FGF14: variants seen among roughly 807,000 people sequenced by gnomAD.
FGF14 encodes the protein fibroblast growth factor homologous factor 4.
In FGF14, 5 loss-of-function variants were observed where a neutral mutation model predicts 25.5. The observed-to-expected ratio is 0.20, with a 90% confidence interval of 0.10 to 0.41. The LOEUF is 0.41. FGF14 is among the 10% of genes least tolerant of loss of function. FGF14 has a pLI of 1.00. For missense variants in FGF14, 222 were observed against 320.1 expected (o/e 0.69, Z 2.34); for synonymous variants, 138 against 118.3 (o/e 1.17, Z -1.08).
intron 3 of FGF14, among the ~76,000 whole-genome samples, chr13:101,819,301 T>C (rs1462465558): frequency 2.6e-5 from 4 of 152,214 alleles, no homozygotes; most frequent in African/African-American, 9.6e-5. Flanking sequence ...GATTATTTTC[T>C]TCATAAGACA....
chr13:101,984,610 T>G (rs981764639), intron 1 of FGF14, among the ~76,000 whole-genome samples: 1 of 152,276 alleles, frequency 6.6e-6, no homozygotes, highest in Middle Eastern at 3.4e-3. Context: ...TTAACCATTT[T>G]TAACCAGCAT....
intron 1 of FGF14, among the ~76,000 whole-genome samples, chr13:102,271,274 G>C (rs909828381): frequency 6.6e-6 from 1 of 151,980 alleles, no homozygotes; most frequent in African/African-American, 2.4e-5. Flanking sequence ...ATATTGGTTT[G>C]CCAGTTCCCC....
At chr13:102,239,671 TC>T (rs1412882936) in intron 1 of FGF14, among the ~76,000 whole-genome samples, 2 of 152,156 alleles carry the variant, frequency 1.3e-5, no homozygotes. Context: ...TTTCTGGAGC[TC>T]TGCAAATGAA....
chr13:101,895,580 C>T (rs536210681), intron 1 of FGF14, among the ~76,000 whole-genome samples: 7 of 152,266 alleles, frequency 4.6e-5, no homozygotes, highest in African/African-American at 1.7e-4. Flanking sequence ...AAGATGATTA[C>T]TCTCATCAGA....
At chr13:102,028,708 T>G (rs549754702) in intron 1 of FGF14, among the ~76,000 whole-genome samples, 5 of 151,804 alleles carry the variant, frequency 3.3e-5, no homozygotes, top group South Asian at 4.2e-4. Flanking sequence ...GAATATGGGG[T>G]TTTTTTTGTT....
chr13:101,860,264 C>T (rs1039483932), intron 3 of FGF14, among the ~76,000 whole-genome samples: 3 of 152,014 alleles, frequency 2.0e-5, no homozygotes, highest in South Asian at 4.1e-4. Flanking sequence ...TCTTGGTGCT[C>T]GAGGAGACAT....
chr13:101,715,553 T>C lies in FGF14; in HGVS notation c.*7278A>G, dbSNP rs199792076. The C allele has an allele frequency of 2.7e-4, 424 of 1,594,524 alleles. No individual in the cohort carries two copies. Among genetic ancestry groups the C allele is most frequent in the Non-Finnish European group, 3.5e-4 (408 of 1,162,390 alleles). ...TCATAATCATGATACCTATATGTAT[T>C]TTATTGCAGGGAATGGAATATGTAG... On this transcript the variant is annotated 3_prime_UTR_variant, in exon 5 of 5. Transcript: ENST00000376143.
At chr13:102,193,102 T>C (rs1201945560) in intron 1 of FGF14, among the ~76,000 whole-genome samples, 2 of 152,160 alleles carry the variant, frequency 1.3e-5, no homozygotes, top group Non-Finnish European at 2.9e-5. Flanking sequence ...TGAGTCTTCT[T>C]GGGCTTCCAT....
At chr13:101,906,012 T>G (rs1275023886) in intron 1 of FGF14, among the ~76,000 whole-genome samples, 1 of 150,866 alleles carries the variant, frequency 6.6e-6, no homozygotes, top group Non-Finnish European at 1.5e-5. Flanking sequence ...TCTGAGCAGA[T>G]GCAGTGAAGA....
intron 1 of FGF14, among the ~76,000 whole-genome samples, chr13:102,194,502 G>A (rs117836304): frequency 0.046 from 7,013 of 152,094 alleles, 216 homozygotes; most frequent in Non-Finnish European, 0.068. Context: ...ATTTTACTTG[G>A]CAGAATAAAT....
chr13:102,251,326 A>G (rs1394815099), intron 1 of FGF14, among the ~76,000 whole-genome samples: 1 of 152,110 alleles, frequency 6.6e-6, no homozygotes, highest in Non-Finnish European at 1.5e-5. Flanking sequence ...CTGCTGCTGC[A>G]CCCAGTCAGA....
chr13:101,895,939 A>G (rs1241110370), intron 1 of FGF14, among the ~76,000 whole-genome samples: 1 of 152,162 alleles, frequency 6.6e-6, no homozygotes, highest in Non-Finnish European at 1.5e-5. Flanking sequence ...TTTCTTTGGA[A>G]TCTTGTATTC....
At chr13:102,116,527 G>A (rs2045479705) in intron 1 of FGF14, among the ~76,000 whole-genome samples, 1 of 152,086 alleles carries the variant, frequency 6.6e-6, no homozygotes, top group Admixed American at 6.6e-5. Context: ...CAACATAGAT[G>A]GGTCTTGAAA....
intron 1 of FGF14, among the ~76,000 whole-genome samples, chr13:101,931,118 T>A (rs2034722607): frequency 1.3e-5 from 2 of 152,202 alleles, no homozygotes; most frequent in African/African-American, 4.8e-5. Flanking sequence ...TGACAAAACC[T>A]ACCCTATTTA....
chr13:102,330,718 C>A lies in FGF14; in HGVS notation c.208+70753G>T, dbSNP rs2056608353. ...TTCCTGACCACCCTACTCAAAACTG[C>A]AAGCTCCACACCCCTGATCATCACT... On this transcript the variant is annotated intron_variant, in intron 1 of 4. Transcript: ENST00000376131. Among the ~76,000 whole-genome samples the A allele has an allele frequency of 2.6e-5, 4 of 152,110 alleles. No homozygotes were observed. In the South Asian group the frequency reaches 8.3e-4, roughly 31 times the overall value.
chr13:102,188,326 G>C (rs2048954929), intron 1 of FGF14, among the ~76,000 whole-genome samples: 1 of 152,100 alleles, frequency 6.6e-6, no homozygotes. Context: ...AGACAACAAA[G>C]ACAAGTAAGG....
chr13:102,116,559 G>A (rs113249207), intron 1 of FGF14, among the ~76,000 whole-genome samples: 8,666 of 152,066 alleles, frequency 0.057, 289 homozygotes, highest in Middle Eastern at 0.16. Flanking sequence ...AGTAAAATAA[G>A]CCAGGCAAGA....
At chr13:102,254,505 T>C (rs2052347811) in intron 1 of FGF14, among the ~76,000 whole-genome samples, 1 of 152,116 alleles carries the variant, frequency 6.6e-6, no homozygotes, top group African/African-American at 2.4e-5. Context: ...ATTTTATACT[T>C]TATTAAGATT....
At chr13:102,227,360 G>C (rs1203275400) in intron 1 of FGF14, among the ~76,000 whole-genome samples, 1 of 151,926 alleles carries the variant, frequency 6.6e-6, no homozygotes, top group Admixed American at 6.6e-5. Flanking sequence ...TCTTTCCTAA[G>C]CCTCTCTTCC....
Sources: gnomAD v4.1 joint callset for allele counts (sites outside exome capture counted in the v4.1 genomes callset) on GRCh38, gnomAD v4.1.1 for gene constraint, MANE v1.5 for transcripts, NCBI Gene and HGNC (gene_info 2026-07-23, HGNC 2026-07-21) for gene names.